HEXB: variants seen among roughly 807,000 people sequenced by gnomAD.
HEXB encodes the protein beta-hexosaminidase subunit beta.
A neutral mutation model predicts 71.2 loss-of-function variants in HEXB; 51 were observed. The observed-to-expected ratio is 0.72, with a 90% CI of 0.57 to 0.90. The LOEUF is 0.90. HEXB is among the 40% of genes least tolerant of loss of function. The probability of loss-of-function intolerance (pLI) is 0.00; values close to 1 mark genes in which losing one functional copy is unlikely to be tolerated. For missense variants in HEXB, 617 were observed against 677.0 expected (o/e 0.91, Z 0.98); for synonymous variants, 266 against 249.3 (o/e 1.07, Z -0.63).
At chr5:74,708,606 G>C (rs1051881915) in intron 6 of HEXB, among the ~76,000 whole-genome samples, 10 of 152,042 alleles carry the variant, frequency 6.6e-5, no homozygotes, top group Admixed American at 2.6e-4. Context: ...ATCTACCAAG[G>C]AAATGGAAAA....
At chr5:74,711,620 G>A (rs1749544146) in intron 6 of HEXB, among the ~76,000 whole-genome samples, 3 of 152,154 alleles carry the variant, frequency 2.0e-5, no homozygotes, top group South Asian at 2.1e-4. Context: ...AAAAGTGGGT[G>A]AAGGACATGA....
chr5:74,676,882 G>A (rs1748640149), intron 1 of HEXB, among the ~76,000 whole-genome samples: 1 of 151,950 alleles, frequency 6.6e-6, no homozygotes, highest in Non-Finnish European at 1.5e-5. Context: ...CTGGTTTTTT[G>A]TTTGTTTTGT....
At chr5:74,701,863 A>G (rs1749268587) in intron 5 of HEXB, among the ~76,000 whole-genome samples, 3 of 152,088 alleles carry the variant, frequency 2.0e-5, no homozygotes, top group Admixed American at 1.3e-4. Flanking sequence ...AATTTCTTAA[A>G]AAAAGGACAT....
rs6894877 is a variant in HEXB at position 74,643,178 on chromosome 5, C to T, written c.-377+2620C>T. Among the ~76,000 whole-genome samples, 658 of 152,236 alleles carry T rather than the reference C, an allele frequency of 4.3e-3. 5 individuals are homozygous for T. Among genetic ancestry groups the T allele is most frequent in the African/African-American group, 0.015 (618 of 41,536 alleles). On this transcript the variant is annotated intron_variant, in intron 1 of 13. Transcript: ENST00000511181. ...CTTGAGCCAATCTATGACTAGTTTT[C>T]GGGCAGTTGGGCAGTTTTTAATGCT...
chr5:74,699,974 T>C (rs1749220792), intron 5 of HEXB, among the ~76,000 whole-genome samples: 1 of 150,410 alleles, frequency 6.6e-6, no homozygotes, highest in Non-Finnish European at 1.5e-5. Flanking sequence ...ATTATTTGTA[T>C]ATTTTATATT....
Position 74,705,244 on chromosome 5 carries a change from A to G in HEXB, c.695A>G (p.Asn232Ser). 1 of 1,611,064 alleles carries G rather than the reference A, an allele frequency of 6.2e-7. No homozygotes were observed. Among genetic ancestry groups the G allele is most frequent in the Non-Finnish European group, 8.5e-7 (1 of 1,177,236 alleles). ...GATGCCATGGCTTTTAATAAGTTTAATGTTCTTCACTGGCACATAGTTGAT... is the reference window on the plus strand; with the variant it reads ...GATGCCATGGCTTTTAATAAGTTTAGTGTTCTTCACTGGCACATAGTTGAT... ...TLDAMAFNKF[N>S]VLHWHIVDDQ... Residue 232 changes from asparagine to serine, a missense_variant, in exon 6 of 14, where the codon AAT (asparagine) becomes AGT (serine). Transcript: ENST00000261416.
At position 74,685,435 on chromosome 5, in the gene HEXB, C is replaced by T; in HGVS notation, c.175C>T (p.Leu59=). The T allele has an allele frequency of 1.2e-6, 2 of 1,608,692 alleles. No homozygotes were observed. Among genetic ancestry groups the T allele is most frequent in the Non-Finnish European group, 8.5e-7 (1 of 1,178,210 alleles). The change falls in exon 1 of 14, where the codon CTG becomes TTG. Residue 59 remains leucine, a synonymous_variant. Coordinates refer to ENST00000261416, the MANE Select transcript of HEXB (RefSeq NM_000521.4). ...SAKPGPALWP[L]PLLVKMTPNL... is the part of the protein sequence containing the mutation. The stretch of plus-strand genomic sequence containing the variant: ...CAAGCCGGGGCCGGCGCTGTGGCCC[C>T]TGCCGCTCTTGGTGAAGATGACCCC...
At chr5:74,709,975 A>T (rs974326577) in intron 6 of HEXB, among the ~76,000 whole-genome samples, 4 of 150,376 alleles carry the variant, frequency 2.7e-5, no homozygotes, top group African/African-American at 1.0e-4. Context: ...CCGGGCAGAG[A>T]CACAACCAAA....
chr5:74,700,765 T>C (rs928578366), intron 5 of HEXB, among the ~76,000 whole-genome samples: 2 of 152,132 alleles, frequency 1.3e-5, no homozygotes, highest in African/African-American at 4.8e-5. Flanking sequence ...TGGAGTGCAA[T>C]GGTGCGGTCT....
intron 1 of HEXB, among the ~76,000 whole-genome samples, chr5:74,650,250 A>G (rs1748077417): frequency 6.6e-6 from 1 of 152,256 alleles, no homozygotes; most frequent in Non-Finnish European, 1.5e-5. Context: ...AAACACAGTA[A>G]AACCTCAATC....
intron 1 of HEXB, among the ~76,000 whole-genome samples, chr5:74,655,157 C>G (rs2112080776): frequency 6.6e-6 from 1 of 152,168 alleles, no homozygotes; most frequent in South Asian, 2.1e-4. Context: ...TTCTCATCAG[C>G]AACTGCACCA....
intron 1 of HEXB, among the ~76,000 whole-genome samples, chr5:74,675,143 A>AG (rs1748608255): frequency 6.6e-6 from 1 of 152,318 alleles, no homozygotes; most frequent in South Asian, 2.1e-4. Flanking sequence ...CAGCAGAGTG[A>AG]GGGGGTCAGT....
Position 74,720,629 on chromosome 5 carries a change from G to C in HEXB, c.1509-14G>C. On this transcript the variant is annotated splice_polypyrimidine_tract_variant and intron_variant, in intron 12 of 13. Transcript: ENST00000261416. ...TTAAACTGCTTGCGGGGGGATGTGT[G>C]ATTTAAATTTTAGGCCTCGGGCAAG... 6.2e-7 allele frequency: 1 copy of C among 1,612,406 alleles called. No individual in the cohort carries two copies. Among genetic ancestry groups the C allele is most frequent in the Admixed American group, 1.7e-5 (1 of 60,020 alleles).
intron 9 of HEXB, among the ~76,000 whole-genome samples, chr5:74,717,351 G>GACACCT (rs1749695710): frequency 6.6e-6 from 1 of 152,024 alleles, no homozygotes; most frequent in African/African-American, 2.4e-5. Flanking sequence ...CATAGCCACA[G>GACACCT]GTGTCTGTCC....
chr5:74,700,644 T>G (rs1749240233), intron 5 of HEXB, among the ~76,000 whole-genome samples: 1 of 152,156 alleles, frequency 6.6e-6, no homozygotes, highest in African/African-American at 2.4e-5. Flanking sequence ...TGTGAATTTT[T>G]TCTAAATTTC....
intron 5 of HEXB, among the ~76,000 whole-genome samples, chr5:74,697,557 C>G (rs1441979298): frequency 6.6e-6 from 1 of 152,016 alleles, no homozygotes; most frequent in East Asian, 1.9e-4. Context: ...CAAACCCCAT[C>G]TCTACTAAAA....
intron 3 of HEXB, among the ~76,000 whole-genome samples, chr5:74,694,916 G>A (rs1047440768): frequency 6.6e-6 from 1 of 152,044 alleles, no homozygotes; most frequent in African/African-American, 2.4e-5. Context: ...GTTGCAGTGA[G>A]CTGAGCTGGC....
At chr5:74,679,827 T>TAAAAAAAA (rs1458962752) in intron 1 of HEXB, among the ~76,000 whole-genome samples, 5 of 60,626 alleles carry the variant, frequency 8.2e-5, no homozygotes, top group Admixed American at 1.4e-4. Context: ...AAAAAAAAAG[T>TAAAAAAAA]ATGGCTTTCA....
intron 3 of HEXB, 27 bp from the exon 4 acceptor site, chr5:74,696,662 AAATT>A: frequency 8.7e-7 from 1 of 1,148,508 alleles, no homozygotes; most frequent in Non-Finnish European, 1.3e-6. Flanking sequence ...GTTGATTTAT[AAATT>A]AATGCAATAA....
Sources: allele counts gnomAD v4.1 joint callset (sites outside exome capture counted in the v4.1 genomes callset), GRCh38; gene constraint gnomAD v4.1.1; transcripts MANE v1.5; gene names NCBI Gene and HGNC (gene_info 2026-07-23, HGNC 2026-07-21).